The following CD101 variants were observed in gnomAD, a reference collection of about 807,000 sequenced individuals.
CD101 encodes the protein CD101 molecule.
A neutral mutation model predicts 98.2 loss-of-function variants in CD101; 76 were observed. The ratio of observed to expected loss-of-function variants is 0.77; its 90% CI spans 0.64 to 0.94. The LOEUF (loss-of-function observed/expected upper bound fraction) is 0.94, where lower values mean the gene tolerates loss of function less well. Ranked by LOEUF, CD101 falls within the 40% of genes least tolerant of loss-of-function variation. The pLI is 0.00. For synonymous variants in CD101, 471 were observed against 472.7 expected, an observed-to-expected ratio of 1.00 and a Z score of 0.05; for missense variants, 1,145 against 1,218.8, an observed-to-expected ratio of 0.94 and a Z score of 0.90.
intron 8 of CD101, among the ~76,000 whole-genome samples, chr1:117,030,137 G>A (rs1423764540): frequency 2.0e-5 from 3 of 152,142 alleles, no homozygotes; most frequent in Non-Finnish European, 4.4e-5. Flanking sequence ...AGATGTGATG[G>A]CTCCCATCTG....
chr1:117,008,183 G>A (rs1652651497), intron 1 of CD101, among the ~76,000 whole-genome samples: 1 of 152,154 alleles, frequency 6.6e-6, no homozygotes, highest in Non-Finnish European at 1.5e-5. Context: ...TTATTATAGA[G>A]GCTGAGCGCA....
Position 117,033,922 on chromosome 1 carries a change from C to G in CD101, c.2887C>G (p.Pro963Ala), listed in dbSNP as rs199980381. The G allele has an allele frequency of 3.1e-5, 50 of 1,614,192 alleles. No individual in the cohort carries two copies. The African/African-American group carries it at 3.7e-4, about 12-fold the overall frequency. Reference sequence around the variant, plus strand: ...TTTACTCTATTTCCTGTTCATCTGTCCCTTCGTCCTGCTCCTCCTTCTGCT... The same window carrying G: ...TTTACTCTATTTCCTGTTCATCTGTGCCTTCGTCCTGCTCCTCCTTCTGCT... ...APLLYFLFIC[P>A]FVLLLLLLIS... Residue 963 changes from proline to alanine, a missense_variant, in exon 9 of 10, where the codon CCC (proline) becomes GCC (alanine). Physicochemically the swap from Pro to Ala is conservative, Grantham distance 27. Transcript: ENST00000682167. This position sits in a 1 kb window ranked among gnomAD's most constrained non-coding sequence, Gnocchi z 4.8.
rs750132069 is a variant in CD101, at chr1:117,017,286, T to C, written c.1425T>C (p.Tyr475=). ...QDGIVQLGAS[Y]GVPSYHGNTR... ...GCATTGTGCAGCTGGGTGCCTCCTA[T>C]GGGGTACCCAGTTACCATGGCAACA... is the stretch of plus-strand genomic sequence containing the variant. The change falls in exon 5 of 10, where the codon TAT becomes TAC. Residue 475 remains tyrosine, a synonymous_variant. Transcript: ENST00000682167. 11 of 1,614,098 alleles carry C rather than the reference T, an allele frequency of 6.8e-6. No homozygotes were observed. Among genetic ancestry groups the C allele is most frequent in the Non-Finnish European group, 7.6e-6 (9 of 1,180,038 alleles).
chr1:117,030,800 G>A (rs994184147), intron 8 of CD101, among the ~76,000 whole-genome samples: 7 of 152,234 alleles, frequency 4.6e-5, no homozygotes, highest in African/African-American at 1.7e-4. Context: ...TTGGGGTTGG[G>A]TAGTGGGGAA....
At position 117,019,243 on chromosome 1, in the gene CD101, A is replaced by G. The variant is rs755666507; in HGVS notation, c.2017+683A>G. Among the ~76,000 whole-genome samples the G allele has an allele frequency of 3.9e-5, 6 of 152,220 alleles. No individual in the cohort carries two copies. Among genetic ancestry groups the G allele is most frequent in the Non-Finnish European group, 5.9e-5 (4 of 68,040 alleles). On this transcript the variant is annotated intron_variant, in intron 6 of 9. Transcript: ENST00000682167. The surrounding 1 kb of genome is among the most constrained non-coding windows in gnomAD (Gnocchi z 4.3). ...ATAGCAGAACAGCTTTGGATGAGAC[A>G]CTTAATCTGCTGAAGCCTTAGTTAC... is the stretch of plus-strand genomic sequence containing the variant.
At chr1:117,029,402 A>G (rs1356755685) in intron 8 of CD101, among the ~76,000 whole-genome samples, 1 of 152,206 alleles carries the variant, frequency 6.6e-6, no homozygotes, top group Non-Finnish European at 1.5e-5. Context: ...CTCACCATGC[A>G]TGCACCATCT....
rs143423094 is a variant in CD101 at position 117,011,808 on chromosome 1, G to A, written c.683G>A (p.Gly228Glu). Reference protein sequence around the residue: ...AASDVQLNKLGPTTFRLSIER... With the variant: ...AASDVQLNKLEPTTFRLSIER... ...AGTGACGTACAGCTCAACAAACTGGGACCCACTACATTCAGGCTGTCCATA... is the reference window on the plus strand; with the variant it reads ...AGTGACGTACAGCTCAACAAACTGGAACCCACTACATTCAGGCTGTCCATA... The change falls in exon 3 of 10, where the codon GGA becomes GAA. Residue 228 changes from glycine (G) to glutamate (E), a missense_variant. Coordinates refer to ENST00000682167, the MANE Select transcript of CD101 (RefSeq NM_001256106.3). 5 of 1,614,096 alleles carry A rather than the reference G, an allele frequency of 3.1e-6. No homozygotes were observed. The highest frequency in any genetic ancestry group is 3.3e-4 in the Middle Eastern group (2 of 6,062).
At chr1:117,035,606 G>A (rs1436546136) in intron 9 of CD101, among the ~76,000 whole-genome samples, 1 of 150,144 alleles carries the variant, frequency 6.7e-6, no homozygotes, top group African/African-American at 2.5e-5. Context: ...CTGGAGTGCA[G>A]TGGTGTGACC....
Position 117,004,217 on chromosome 1 carries a change from C to G in CD101, c.43+2357C>G, listed in dbSNP as rs1652404292. ...TTCATGAAAAATAAAAAAGATTCCA[C>G]TTAGTATGGATGGAAGCTATCTCAG... On this transcript the variant is annotated intron_variant, in intron 1 of 9. Transcript: ENST00000682167. The surrounding 1 kb of genome is among the most constrained non-coding windows in gnomAD (Gnocchi z 4.1). 1.3e-5 allele frequency among the ~76,000 whole-genome samples: 2 copies of G among 152,126 alleles called. No homozygotes were observed. The highest frequency in any genetic ancestry group is 4.8e-5 in the African/African-American group (2 of 41,426).
chr1:117,029,233 G>GA lies in CD101; in HGVS notation c.2824+3332dup, dbSNP rs1190413578. 7.3e-4 allele frequency among the ~76,000 whole-genome samples: 80 copies of GA among 109,476 alleles called. 1 individual carries two copies. The highest frequency in any genetic ancestry group is 8.8e-4 in the Admixed American group (9 of 10,274). 71.8% of individuals were successfully genotyped at this position (109,476 alleles called of 152,430 possible). On this transcript the variant is annotated intron_variant, in intron 8 of 9. Coordinates refer to ENST00000682167, the MANE Select transcript of CD101 (RefSeq NM_001256106.3). ...GAAAGAAAAGAAAGAAAGAAAGAAA[G>GA]AAAGAAAGAAAGAAAGAAAGAAAGA...
intron 2 of CD101, among the ~76,000 whole-genome samples, chr1:117,011,011 T>C (rs1001427958): frequency 1.3e-5 from 2 of 152,200 alleles, no homozygotes; most frequent in Non-Finnish European, 2.9e-5. Context: ...TTAGGCTGTG[T>C]GATTTCATTT....
intron 9 of CD101, among the ~76,000 whole-genome samples, chr1:117,034,478 C>G (rs1654679291): frequency 6.6e-6 from 1 of 152,184 alleles, no homozygotes; most frequent in African/African-American, 2.4e-5. Context: ...ACTTGTCACA[C>G]CTGCTCTAGG....
At chr1:117,002,814 A>G (rs946785988) in intron 1 of CD101, among the ~76,000 whole-genome samples, 2 of 152,258 alleles carry the variant, frequency 1.3e-5, no homozygotes, top group Non-Finnish European at 2.9e-5. Context: ...ACATTTCAAT[A>G]TATCTTAAGT....
chr1:117,002,154 T>C (rs1226442239), intron 1 of CD101, among the ~76,000 whole-genome samples: 1 of 152,222 alleles, frequency 6.6e-6, no homozygotes, highest in African/African-American at 2.4e-5. Context: ...CTCATCTTCC[T>C]GGGCCGATCA....
Position 117,004,631 on chromosome 1 carries a change from C to G in CD101, c.43+2771C>G, listed in dbSNP as rs1652425590. On this transcript the variant is annotated intron_variant, in intron 1 of 9. Transcript: ENST00000682167. The surrounding 1 kb of genome is among the most constrained non-coding windows in gnomAD (Gnocchi z 4.1). Reference sequence around the variant, plus strand: ...AGAGAGAGCAAGAGGGCAGTCCTCACAGGTGTTTTTCGGAGGGTGGATGAT... The same window carrying G: ...AGAGAGAGCAAGAGGGCAGTCCTCAGAGGTGTTTTTCGGAGGGTGGATGAT... 2.6e-5 allele frequency among the ~76,000 whole-genome samples: 4 copies of G among 152,122 alleles called. No individual in the cohort carries two copies. The highest frequency in any genetic ancestry group is 2.6e-4 in the Admixed American group (4 of 15,258).
At chr1:117,035,900 C>T (rs1044505538) in intron 9 of CD101, among the ~76,000 whole-genome samples, 1 of 152,112 alleles carries the variant, frequency 6.6e-6, no homozygotes, top group Non-Finnish European at 1.5e-5. Context: ...TTTTTAGAAA[C>T]CTGTATTTTA....
chr1:117,034,664 G>C (rs1654694694), intron 9 of CD101, among the ~76,000 whole-genome samples: 1 of 152,216 alleles, frequency 6.6e-6, no homozygotes, highest in Non-Finnish European at 1.5e-5. Context: ...GCCCACTCAA[G>C]AGCAAGTTCT....
rs1379544176 is a variant in CD101, at chr1:117,005,419, A to T, written c.43+3559A>T. Among the ~76,000 whole-genome samples the T allele has an allele frequency of 3.9e-5, 6 of 152,156 alleles. No individual in the cohort carries two copies. Among genetic ancestry groups the T allele is most frequent in the African/African-American group, 1.4e-4 (6 of 41,432 alleles). On this transcript the variant is annotated intron_variant, in intron 1 of 9. Coordinates refer to ENST00000682167, the MANE Select transcript of CD101 (RefSeq NM_001256106.3). The surrounding 1 kb of genome is among the most constrained non-coding windows in gnomAD (Gnocchi z 4.4). ...CTCTATTGAAATCCCTTTTACAAAG[A>T]TCTTCATGGACATCCTCCTCATCGA...
In CD101 at chr1:117,011,650, C is replaced by T; in HGVS notation, c.525C>T (p.Ala175=). Reference sequence around the variant, plus strand: ...CCTGTGAGGCATCCAAAGCCACAGCCCAACATACTCACCTCTCTGTCACCT... The same window carrying T: ...CCTGTGAGGCATCCAAAGCCACAGCTCAACATACTCACCTCTCTGTCACCT... ...ALTCEASKAT[A]QHTHLSVTWY... The change falls in exon 3 of 10, where the codon GCC becomes GCT. Residue 175 remains alanine (A), a synonymous_variant. Coordinates refer to ENST00000682167, the MANE Select transcript of CD101 (RefSeq NM_001256106.3). 1.9e-6 allele frequency: 3 copies of T among 1,614,150 alleles called. No homozygotes were observed. The highest frequency in any genetic ancestry group is 2.5e-6 in the Non-Finnish European group (3 of 1,180,024).
Sources: gnomAD v4.1 joint callset for allele counts (sites outside exome capture counted in the v4.1 genomes callset) on GRCh38, gnomAD v4.1.1 for gene constraint, Gnocchi (gnomAD v3.1) non-coding constraint, MANE v1.5 for transcripts, NCBI Gene and HGNC (gene_info 2026-07-23, HGNC 2026-07-21) for gene names.